The following SYBU variants were observed in gnomAD, a reference collection of about 807,000 sequenced individuals.
SYBU encodes the protein GOLSYN A protein.
Under a neutral mutation model 35.9 loss-of-function variants are expected in SYBU, and 21 were observed. That is an observed-to-expected ratio of 0.58 (90% confidence interval 0.41 to 0.84). The LOEUF (loss-of-function observed/expected upper bound fraction) is 0.84. Among genes scored for constraint, SYBU ranks in the 40% least tolerant of loss-of-function variants. The pLI is 0.00. For synonymous variants in SYBU, 319 were observed against 324.3 expected (o/e 0.98, Z 0.18); for missense variants, 768 against 848.2 (o/e 0.91, Z 1.17).
At chr8:109,627,792 G>C (rs1487394963) in intron 2 of SYBU, among the ~76,000 whole-genome samples, 1 of 152,234 alleles carries the variant, frequency 6.6e-6, no homozygotes, top group East Asian at 1.9e-4. Flanking sequence ...AGAAATTGGA[G>C]GCAAGAAACT....
intron 1 of SYBU, among the ~76,000 whole-genome samples, chr8:109,689,657 C>T (rs192411083): frequency 1.0e-3 from 159 of 152,174 alleles, no homozygotes; most frequent in Non-Finnish European, 1.8e-3. Context: ...TATGTAGATT[C>T]GTGTAACCAC....
rs375370963 is a variant in SYBU at position 109,575,940 on chromosome 8, G to T, written c.958C>A (p.Arg320=). 6.2e-7 allele frequency: 1 copy of T among 1,612,594 alleles called. No homozygotes were observed. Among genetic ancestry groups the T allele is most frequent in the Non-Finnish European group, 8.5e-7 (1 of 1,179,896 alleles). The change falls in exon 7 of 7, where the codon CGG becomes AGG. Residue 320 remains arginine (R), a synonymous_variant. Coordinates refer to ENST00000276646, the MANE Select transcript of SYBU (RefSeq NM_001099754.2). ...REDWIEEECH[R]VEAQLALKEA... ...TTGAGTGCCAACTGGGCCTCTACCC[G>T]GTGACACTCCTCCTCAATCCAGTCC...
At chr8:109,683,101 G>A (rs1817438667), upstream of SYBU, among the ~76,000 whole-genome samples, 1 of 152,236 alleles carries the variant, frequency 6.6e-6, no homozygotes, top group African/African-American at 2.4e-5. Flanking sequence ...CTCTGTTAGG[G>A]CAGTGTTGAA....
intron 1 of SYBU, among the ~76,000 whole-genome samples, chr8:109,688,670 T>C (rs1479538480): frequency 6.6e-6 from 1 of 151,918 alleles, no homozygotes; most frequent in African/African-American, 2.4e-5. Context: ...CCGTCTATCA[T>C]GTCTGCTTGG....
intron 2 of SYBU, among the ~76,000 whole-genome samples, chr8:109,628,628 C>A (rs968237995): frequency 6.6e-6 from 1 of 152,130 alleles, no homozygotes; most frequent in Non-Finnish European, 1.5e-5. Context: ...TAGGCATGAG[C>A]GGCTGCACCC....
rs1254640031 is a variant in SYBU at position 109,644,729 on chromosome 8, A to AGCGAGGAGACTGCGCTGAGCCGGC, written c.-94_-71dup. 9 of 1,408,494 alleles carry AGCGAGGAGACTGCGCTGAGCCGGC rather than the reference A, an allele frequency of 6.4e-6. No homozygotes were observed. The African/African-American group carries it at 1.4e-4, about 21-fold the overall frequency. 87.2% of individuals were successfully genotyped at this position (1,408,494 alleles called of 1,614,324 possible). ...CAGGAGGAGGCACCTGCGAGCACGG[A>AGCGAGGAGACTGCGCTGAGCCGGC]GCGAGGAGACTGCGCTGAGCCGGCG... On this transcript the variant is annotated 5_prime_UTR_variant, in exon 1 of 7. Coordinates refer to ENST00000276646, the MANE Select transcript of SYBU (RefSeq NM_001099754.2).
At chr8:109,601,808 G>A (rs1825559008) in intron 3 of SYBU, among the ~76,000 whole-genome samples, 1 of 152,214 alleles carries the variant, frequency 6.6e-6, no homozygotes, top group Non-Finnish European at 1.5e-5. Flanking sequence ...GTGATCATAT[G>A]AGAAAATGCA....
chr8:109,657,632 G>A (rs748844058), intron 1 of SYBU, among the ~76,000 whole-genome samples: 18 of 152,274 alleles, frequency 1.2e-4, no homozygotes, highest in Non-Finnish European at 2.2e-4. Context: ...CAAATCATAT[G>A]ATAAATATTT....
intron 3 of SYBU, among the ~76,000 whole-genome samples, chr8:109,612,692 C>A (rs1811304876): frequency 6.6e-6 from 1 of 151,316 alleles, no homozygotes; most frequent in South Asian, 2.1e-4. Context: ...CTTAAAAGGC[C>A]ACCCAGGCGG....
At chr8:109,620,419 A>G (rs1812286504) in intron 2 of SYBU, among the ~76,000 whole-genome samples, 1 of 152,200 alleles carries the variant, frequency 6.6e-6, no homozygotes, top group Non-Finnish European at 1.5e-5. Flanking sequence ...AAACAGAACT[A>G]AGCCTGAATA....
intron 2 of SYBU, among the ~76,000 whole-genome samples, chr8:109,627,967 G>A (rs1474579628): frequency 2.0e-5 from 3 of 152,170 alleles, no homozygotes; most frequent in African/African-American, 4.8e-5. Context: ...GATGTACAGA[G>A]CTCTAAAATA....
At chr8:109,587,126 C>A (rs1010901637) in intron 3 of SYBU, among the ~76,000 whole-genome samples, 1 of 152,092 alleles carries the variant, frequency 6.6e-6, no homozygotes, top group African/African-American at 2.4e-5. Context: ...TTTAATTTGA[C>A]CTTGTTGCTC....
At chr8:109,654,154 C>T (rs1214696066) in intron 1 of SYBU, among the ~76,000 whole-genome samples, 1 of 152,164 alleles carries the variant, frequency 6.6e-6, no homozygotes, top group African/African-American at 2.4e-5. Context: ...CCAAAGCTCT[C>T]ATATATTTCT....
chr8:109,651,935 T>C (rs1181336445), intron 1 of SYBU, among the ~76,000 whole-genome samples: 2 of 152,350 alleles, frequency 1.3e-5, no homozygotes, highest in African/African-American at 2.4e-5. Context: ...GGACTTTTCC[T>C]CCAGAAGGTA....
chr8:109,645,602 G>T, upstream of SYBU: 2 of 269,474 alleles, frequency 7.4e-6, no homozygotes, highest in Non-Finnish European at 1.5e-5. Flanking sequence ...GTGCCTTTAT[G>T]CCTAAAGTTT....
intron 3 of SYBU, 141 bp from the exon 4 acceptor site, chr8:109,586,303 C>T (rs969918768): frequency 1.6e-6 from 1 of 620,008 alleles, no homozygotes; most frequent in Non-Finnish European, 2.8e-6. Context: ...TCCAGGCTCA[C>T]AGCATTTTCC....
chr8:109,631,463 G>A (rs1484443555), intron 2 of SYBU, among the ~76,000 whole-genome samples: 1 of 152,118 alleles, frequency 6.6e-6, no homozygotes, highest in Admixed American at 6.5e-5. Flanking sequence ...AGTCACTCTG[G>A]CGAAGCCCTG....
At chr8:109,672,273 G>A (rs1817012256) in intron 1 of SYBU, among the ~76,000 whole-genome samples, 1 of 145,770 alleles carries the variant, frequency 6.9e-6, no homozygotes, top group Non-Finnish European at 1.5e-5. Flanking sequence ...CCGGTCTGCA[G>A]CTCCCAGCGA....
At chr8:109,618,065 TC>T (rs1248783312) in intron 3 of SYBU, among the ~76,000 whole-genome samples, 1 of 152,240 alleles carries the variant, frequency 6.6e-6, no homozygotes, top group African/African-American at 2.4e-5. Flanking sequence ...AAGCCAGTAA[TC>T]TGTCTTTTCA....
Sources: allele counts gnomAD v4.1 joint callset (sites outside exome capture counted in the v4.1 genomes callset), GRCh38; gene constraint gnomAD v4.1.1; transcripts MANE v1.5; gene names NCBI Gene and HGNC (gene_info 2026-07-23, HGNC 2026-07-21).